The following PIAS1 variants were observed in gnomAD, a reference collection of about 807,000 sequenced individuals.
The protein encoded by PIAS1 is protein inhibitor of activated STAT 1, also known as E3 SUMO-protein ligase PIAS1.
PIAS1 carries 6 observed loss-of-function variants against 71.3 expected under a neutral mutation model. That is an observed-to-expected ratio of 0.08 (90% CI 0.05 to 0.17). PIAS1 has a LOEUF of 0.17. PIAS1 is among the 10% of genes least tolerant of loss of function. The probability of loss-of-function intolerance (pLI) is 1.00; values close to 1 mark genes in which losing one functional copy is unlikely to be tolerated. For missense variants in PIAS1, 555 were observed against 793.6 expected, an observed-to-expected ratio of 0.70 and a Z score of 3.61; for synonymous variants, 303 against 292.9, an observed-to-expected ratio of 1.03 and a Z score of -0.35.
rs1478400383 is a variant in PIAS1 at position 68,187,139 on chromosome 15, G to A, written c.1663-403G>A. Among the ~76,000 whole-genome samples, 2 of 152,140 alleles carry A rather than the reference G, an allele frequency of 1.3e-5. No individual in the cohort carries two copies. The highest frequency in any genetic ancestry group is 2.1e-4 in the South Asian group (1 of 4,832). The stretch of plus-strand genomic sequence containing the variant: ...ACAGTGTCTGTTGGTTTCCAGTACT[G>A]TTTTATAAAGAAACAGGGCAGTGAG... On this transcript the variant is annotated intron_variant, in intron 13 of 13. Coordinates refer to ENST00000249636, the MANE Select transcript of PIAS1 (RefSeq NM_016166.3). This position sits in a 1 kb window ranked among gnomAD's most constrained non-coding sequence, Gnocchi z 5.3.
intron 6 of PIAS1, among the ~76,000 whole-genome samples, chr15:68,151,814 T>G (rs1323323243): frequency 6.6e-6 from 1 of 151,404 alleles, no homozygotes; most frequent in Non-Finnish European, 1.5e-5. Flanking sequence ...GAGCCGAGAT[T>G]GCGCCACTGC....
chr15:68,120,189 C>T (rs1421552718), intron 2 of PIAS1, among the ~76,000 whole-genome samples: 2 of 151,558 alleles, frequency 1.3e-5, no homozygotes, highest in African/African-American at 4.8e-5. Context: ...TACTTTCAAC[C>T]AATTTGTGTT....
intron 2 of PIAS1, among the ~76,000 whole-genome samples, chr15:68,128,136 C>T (rs1408095504): frequency 6.6e-6 from 1 of 152,038 alleles, no homozygotes; most frequent in African/African-American, 2.4e-5. Context: ...TCAAATATGG[C>T]TGCCCATTTA....
At chr15:68,148,811 A>T (rs1015939086) in intron 6 of PIAS1, among the ~76,000 whole-genome samples, 2 of 152,222 alleles carry the variant, frequency 1.3e-5, no homozygotes, top group African/African-American at 4.8e-5. Flanking sequence ...AATAGTTTAA[A>T]TGGAGGCCAG....
At chr15:68,112,022 T>C (rs1355308612) in intron 2 of PIAS1, among the ~76,000 whole-genome samples, 1 of 152,170 alleles carries the variant, frequency 6.6e-6, no homozygotes, top group Non-Finnish European at 1.5e-5. Context: ...GTGATTACTT[T>C]GCGTTTTATT....
chr15:68,086,261 A>G lies in PIAS1; in HGVS notation c.25-45A>G, dbSNP rs757809073. ...AAAGTGTCATTTAATAGTGTAAATT[A>G]TATTATTGGAATACTAATGTTTTAC... On this transcript the variant is annotated intron_variant, in intron 1 of 13. Coordinates refer to ENST00000249636, the MANE Select transcript of PIAS1 (RefSeq NM_016166.3). This position sits in a 1 kb window ranked among gnomAD's most constrained non-coding sequence, Gnocchi z 7.2. 1.5e-6 allele frequency: 2 copies of G among 1,306,758 alleles called. No individual in the cohort carries two copies. Among genetic ancestry groups the G allele is most frequent in the South Asian group, 1.4e-5 (1 of 70,544 alleles). The allele number at this position is 1,306,758 out of a possible 1,614,324, so 80.9% of individuals were successfully genotyped here. A position where few individuals can be genotyped will look rare whatever the true frequency, so the allele number is the denominator to read the frequency against.
At chr15:68,181,159 C>G in intron 11 of PIAS1, 53 bp from the exon 12 acceptor site, 2 of 1,547,254 alleles carry the variant, frequency 1.3e-6, no homozygotes, top group African/African-American at 2.7e-5. Context: ...TTTTTGTTAA[C>G]CTTGAGAGTT....
Position 68,055,950 on chromosome 15 carries a change from T to G in PIAS1, c.24+1600T>G, listed in dbSNP as rs776571332. 3.6e-5 allele frequency: 25 copies of G among 698,842 alleles called. No individual in the cohort carries two copies. The South Asian group carries it at 3.7e-4, about 10-fold the overall frequency. 43.3% of individuals were successfully genotyped at this position (698,842 alleles called of 1,614,324 possible). A position where few individuals can be genotyped will look rare whatever the true frequency, so the allele number is the denominator to read the frequency against. On this transcript the variant is annotated intron_variant, in intron 1 of 13. Coordinates refer to ENST00000249636, the MANE Select transcript of PIAS1 (RefSeq NM_016166.3). ...GAGTGTCATTCTTTTAAAATGTACT[T>G]CTAATTACAAATTTACTGAAGGGAG...
At position 68,174,905 on chromosome 15, in the gene PIAS1, C is replaced by G. The variant is rs2093012411; in HGVS notation, c.1170-732C>G. On this transcript the variant is annotated intron_variant, in intron 9 of 13. Coordinates refer to ENST00000249636, the MANE Select transcript of PIAS1 (RefSeq NM_016166.3). The surrounding 1 kb of genome is among the most constrained non-coding windows in gnomAD (Gnocchi z 4.0). ...TTTCAGAAATGTCGGTGATCACTTACTAGTAAATCAGAATTAAATAGTGAT... is the reference window on the plus strand; with the variant it reads ...TTTCAGAAATGTCGGTGATCACTTAGTAGTAAATCAGAATTAAATAGTGAT... Among the ~76,000 whole-genome samples the G allele has an allele frequency of 6.6e-6, 1 of 152,098 alleles. No homozygotes were observed. Among genetic ancestry groups the G allele is most frequent in the African/African-American group, 2.4e-5 (1 of 41,420 alleles).
chr15:68,138,374 T>TAA (rs2092747907), intron 2 of PIAS1, among the ~76,000 whole-genome samples: 1 of 152,118 alleles, frequency 6.6e-6, no homozygotes, highest in East Asian at 1.9e-4. Flanking sequence ...CTGAACATTA[T>TAA]CCTCCCATTG....
chr15:68,095,632 G>GCCT, intron 2 of PIAS1, among the ~76,000 whole-genome samples: 1 of 150,556 alleles, frequency 6.6e-6, no homozygotes, highest in East Asian at 2.0e-4. Flanking sequence ...CCGGGTTCAA[G>GCCT]CAATTCTCCT....
At chr15:68,164,947 C>G in intron 8 of PIAS1, 143 bp downstream of exon 8, 1 of 556,848 alleles carries the variant, frequency 1.8e-6, no homozygotes, top group South Asian at 2.8e-5. Context: ...GGAAAGACAT[C>G]TAGGCATTGC....
At chr15:68,168,300 T>A (rs150395752) in intron 8 of PIAS1, among the ~76,000 whole-genome samples, 9 of 152,326 alleles carry the variant, frequency 5.9e-5, no homozygotes, top group Admixed American at 5.9e-4. Flanking sequence ...TGAGCCACTG[T>A]GCCCAGCTGA....
At chr15:68,133,053 G>A (rs2092698469) in intron 2 of PIAS1, among the ~76,000 whole-genome samples, 1 of 151,270 alleles carries the variant, frequency 6.6e-6, no homozygotes, top group South Asian at 2.1e-4. Context: ...GAAAGTAGTA[G>A]CATACTGTAT....
chr15:68,183,588 CCTT>C lies in PIAS1; in HGVS notation c.1625-38_1625-36del, dbSNP rs145111783. ...TATTGGGGCATTTGGAAGAGTTTTT[CCTT>C]CTTTTTTTTTTAAACTGAAATAATT... On this transcript the variant is annotated intron_variant, in intron 12 of 13. Coordinates refer to ENST00000249636, the MANE Select transcript of PIAS1 (RefSeq NM_016166.3). The C allele has an allele frequency of 2.4e-3, 2,005 of 838,348 alleles. 3 individuals carry two copies. Among genetic ancestry groups the C allele is most frequent in the Non-Finnish European group, 3.2e-3 (1,649 of 518,522 alleles). The allele number at this position is 838,348 out of a possible 1,614,324, so 51.9% of individuals were successfully genotyped here.
At chr15:68,182,405 A>C (rs2093058652) in intron 12 of PIAS1, among the ~76,000 whole-genome samples, 3 of 143,356 alleles carry the variant, frequency 2.1e-5, no homozygotes, top group Non-Finnish European at 3.0e-5. Context: ...CCCCAACCCC[A>C]TTCCCGGGAA....
At chr15:68,081,380 G>C (rs75395345) in intron 1 of PIAS1, among the ~76,000 whole-genome samples, 33,656 of 151,900 alleles carry the variant, frequency 0.22, 4,395 homozygotes, top group Middle Eastern at 0.36. Flanking sequence ...CATTCTAGAT[G>C]AAGTACCCTG....
Position 68,171,974 on chromosome 15 carries a change from C to T in PIAS1, c.1009-1758C>T, listed in dbSNP as rs563779826. ...TAAGTTCTATGGTACATGTGCACAA[C>T]GTGCAGGTATACATGTGCCATATTG... is the stretch of plus-strand genomic sequence containing the variant. On this transcript the variant is annotated intron_variant, in intron 8 of 13. Transcript: ENST00000249636. This position sits in a 1 kb window ranked among gnomAD's most constrained non-coding sequence, Gnocchi z 4.4. Among the ~76,000 whole-genome samples the T allele has an allele frequency of 5.9e-5, 9 of 151,904 alleles. No homozygotes were observed. The South Asian group carries it at 6.2e-4, about 11-fold the overall frequency.
Position 68,173,804 on chromosome 15 carries a change from C to G in PIAS1, c.1081C>G (p.Leu361Val), listed in dbSNP as rs1245053384. ...TCATCTACAATGTTTTGACGCAACT[C>G]TTTACATTCAGATGAATGAGAAAAA... ...CSHLQCFDAT[L>V]YIQMNEKKPT... Residue 361 changes from leucine to valine, a missense_variant, in exon 9 of 14, where the codon CTT becomes GTT. Leu to Val is a conservative substitution (Grantham distance 32). Transcript: ENST00000249636. This position sits in a 1 kb window ranked among gnomAD's most constrained non-coding sequence, Gnocchi z 4.3. 6.2e-7 allele frequency: 1 copy of G among 1,600,624 alleles called. No individual in the cohort carries two copies. Among genetic ancestry groups the G allele is most frequent in the Non-Finnish European group, 8.5e-7 (1 of 1,170,322 alleles).
Sources: gnomAD v4.1 joint callset for allele counts (sites outside exome capture counted in the v4.1 genomes callset) on GRCh38, gnomAD v4.1.1 for gene constraint, Gnocchi (gnomAD v3.1) non-coding constraint, MANE v1.5 for transcripts, NCBI Gene and HGNC (gene_info 2026-07-23, HGNC 2026-07-21) for gene names.